FBN3: variants seen among roughly 807,000 people sequenced by gnomAD.
The protein encoded by FBN3 is fibrillin 3.
Under a neutral mutation model 330.1 loss-of-function variants are expected in FBN3, and 234 were observed. That is an observed-to-expected ratio of 0.71 (90% CI 0.64 to 0.79). FBN3 has a LOEUF of 0.79. Ranked by LOEUF, FBN3 falls within the 30% of genes least tolerant of loss-of-function variation. FBN3 has a pLI of 0.00. For missense variants in FBN3, 3,606 were observed against 3,886.9 expected (o/e 0.93, Z 1.92); for synonymous variants, 1,458 against 1,517.3 (o/e 0.96, Z 0.91).
chr19:8,147,176 A>C lies in FBN3; in HGVS notation c.178T>G (p.Cys60Gly). ...SPGILQGPNV[C>G]GSRFHAYCCP... ...CAGTAGGCATGGAACCGGGAGCCGC[A>C]CACATTCGGCCTTCGGGGACAGCGA... Residue 60 changes from cysteine (C) to glycine (G), a missense_variant, in exon 3 of 64, where the codon TGC becomes GGC. Physicochemically the swap from Cys to Gly is radical, Grantham distance 159. Transcript: ENST00000600128. 6.4e-7 allele frequency: 1 copy of C among 1,569,040 alleles called. No individual in the cohort carries two copies.
chr19:8,143,136 TCG>T (rs1293935636), intron 6 of FBN3, among the ~76,000 whole-genome samples: 1 of 152,122 alleles, frequency 6.6e-6, no homozygotes, highest in African/African-American at 2.4e-5. Context: ...TCCTGTGGGC[TCG>T]GTTTTTTCTG....
intron 63 of FBN3, 57 bp downstream of exon 63, chr19:8,071,991 C>G (rs1568350334): frequency 6.5e-7 from 1 of 1,540,588 alleles, no homozygotes; most frequent in Non-Finnish European, 8.7e-7. Flanking sequence ...TCCACAGCCT[C>G]TTTCCCACAC....
At position 8,126,173 on chromosome 19, in the gene FBN3, G is replaced by C. The variant is rs1293097735; in HGVS notation, c.2605+124C>G. 13 of 1,409,584 alleles carry C rather than the reference G, an allele frequency of 9.2e-6. No homozygotes were observed. The East Asian group carries it at 3.1e-4, about 34-fold the overall frequency. 87.3% of individuals were successfully genotyped at this position (1,409,584 alleles called of 1,614,324 possible). Reference sequence around the variant, plus strand: ...AGAAGGCCTGGGGACCAGGTAGGGAGAACGTCTGTCCCCATCGCAAAAGAC... The same window carrying C: ...AGAAGGCCTGGGGACCAGGTAGGGACAACGTCTGTCCCCATCGCAAAAGAC... On this transcript the variant is annotated intron_variant, in intron 21 of 63. Transcript: ENST00000600128.
intron 50 of FBN3, 23 bp downstream of exon 50, chr19:8,089,871 T>C (rs2144687820): frequency 6.3e-7 from 1 of 1,581,638 alleles, no homozygotes; most frequent in East Asian, 2.3e-5. Context: ...AAGGGGCTCT[T>C]AGCATGTGGG....
At chr19:8,115,712 G>A in intron 29 of FBN3, 72 bp from the exon 30 acceptor site, 7 of 1,548,984 alleles carry the variant, frequency 4.5e-6, no homozygotes, top group Non-Finnish European at 5.3e-6. Flanking sequence ...GGTGAGGGTG[G>A]GAGGGAGATC....
intron 10 of FBN3, among the ~76,000 whole-genome samples, chr19:8,136,947 G>A (rs1391860811): frequency 9.9e-6 from 1 of 100,658 alleles, no homozygotes. Flanking sequence ...CCAACCTGGG[G>A]TCTAGATACC....
At chr19:8,100,872 C>T in intron 41 of FBN3, 29 bp downstream of exon 41, 1 of 1,601,648 alleles carries the variant, frequency 6.2e-7, no homozygotes, top group Non-Finnish European at 8.5e-7. Context: ...GATGGGTGCC[C>T]AGGGATAGAG....
intron 39 of FBN3, 72 bp downstream of exon 39, chr19:8,103,490 T>G: frequency 6.6e-7 from 1 of 1,511,520 alleles, no homozygotes; most frequent in Non-Finnish European, 9.1e-7. Context: ...GCTTGAAGGC[T>G]CCCAGCAGTT....
At position 8,075,347 on chromosome 19, in the gene FBN3, C is replaced by T. The variant is rs778921959; in HGVS notation, c.7518G>A (p.Pro2506=). The stretch of plus-strand genomic sequence containing the variant: ...GGTGGCATTCACAGCGGAAGCTGCC[C>T]GGGGTGTTGTGGCAGTGCCCGTGGG... ...CGAHGHCHNT[P]GSFRCECHQG... is the part of the protein sequence containing the mutation. The change falls in exon 60 of 64, where the codon CCG becomes CCA. Residue 2506 remains proline (P), a synonymous_variant. Coordinates refer to ENST00000600128, the MANE Select transcript of FBN3 (RefSeq NM_032447.5). The T allele has an allele frequency of 8.0e-5, 129 of 1,614,064 alleles. No individual in the cohort carries two copies. The highest frequency in any genetic ancestry group is 9.9e-5 in the Non-Finnish European group (117 of 1,180,044).
chr19:8,116,709 C>A lies in FBN3; in HGVS notation c.3677G>T (p.Gly1226Val). The stretch of plus-strand genomic sequence containing the variant: ...CCTCATGTCTGGCGTGGCCATGAAG[C>A]CATCATAGCACAGGCAGCGGTGACC... Reference protein sequence around the residue: ...PGGHRCLCYDGFMATPDMRTC... With the variant: ...PGGHRCLCYDVFMATPDMRTC... Residue 1226 changes from glycine (G) to valine (V), a missense_variant, in exon 29 of 64, where the codon GGC becomes GTC. Coordinates refer to ENST00000600128, the MANE Select transcript of FBN3 (RefSeq NM_032447.5). 1 of 1,614,126 alleles carries A rather than the reference C, an allele frequency of 6.2e-7. No individual in the cohort carries two copies. The highest frequency in any genetic ancestry group is 8.5e-7 in the Non-Finnish European group (1 of 1,179,984).
chr19:8,108,798 C>A lies in FBN3; in HGVS notation c.4618+429G>T, dbSNP rs187284348. ...AAGCCTTCCCCAGAGCTTTCACTTC[C>A]CCACAGCTTTCTCCTGAGCTATGGG... On this transcript the variant is annotated intron_variant, in intron 36 of 63. Transcript: ENST00000600128. Among the ~76,000 whole-genome samples, 23 of 152,222 alleles carry A rather than the reference C, an allele frequency of 1.5e-4. No homozygotes were observed. In the East Asian group the frequency reaches 4.4e-3, roughly 29 times the overall value.
intron 41 of FBN3, 132 bp downstream of exon 41, chr19:8,100,769 T>C (rs2082310331): frequency 1.4e-6 from 1 of 709,284 alleles, no homozygotes; most frequent in East Asian, 2.7e-5. Context: ...GAGTTGGAGG[T>C]GTGTGGAGCG....
chr19:8,132,573 C>A (rs1219379835), intron 14 of FBN3, among the ~76,000 whole-genome samples: 4 of 151,830 alleles, frequency 2.6e-5, no homozygotes, highest in Admixed American at 2.6e-4. Context: ...CTCACTGCAA[C>A]CTCTACCTCC....
intron 8 of FBN3, among the ~76,000 whole-genome samples, chr19:8,139,102 A>T (rs773324754): frequency 2.0e-5 from 3 of 151,988 alleles, no homozygotes; most frequent in African/African-American, 7.3e-5. Flanking sequence ...TAATCTCAGC[A>T]CTTTGGGAGG....
In FBN3 at chr19:8,086,297, G is replaced by T; in HGVS notation, c.6783C>A (p.Asp2261Glu). Residue 2261 changes from aspartate to glutamate, a missense_variant, in exon 55 of 64, where the codon GAC becomes GAA. By Grantham distance (45) the Asp-to-Glu change is conservative. Transcript: ENST00000600128. ...TGACACAGCGGCCGTTGACACAGAG[G>T]TCAGGCTGAGCGTGGCATTCATTGT... is the stretch of plus-strand genomic sequence containing the variant. ...TDDNECHAQP[D>E]LCVNGRCVNT... 1 of 1,611,904 alleles carries T rather than the reference G, an allele frequency of 6.2e-7. No homozygotes were observed. The highest frequency in any genetic ancestry group is 8.5e-7 in the Non-Finnish European group (1 of 1,178,736).
intron 57 of FBN3, 59 bp from the exon 58 acceptor site, chr19:8,081,539 T>G: frequency 6.6e-7 from 1 of 1,517,410 alleles, no homozygotes; most frequent in South Asian, 1.3e-5. Flanking sequence ...CTGGGGGTGT[T>G]CAGGGACTGA....
chr19:8,077,466 C>T (rs1196295628), intron 59 of FBN3, among the ~76,000 whole-genome samples: 1 of 151,928 alleles, frequency 6.6e-6, no homozygotes, highest in Non-Finnish European at 1.5e-5. Flanking sequence ...TAGTGAAACC[C>T]CATCTCTACT....
chr19:8,135,936 G>GGGGCACCCCCCCCCCCCCCCC, intron 13 of FBN3, 25 bp downstream of exon 13: 1 of 668,778 alleles, frequency 1.5e-6, no homozygotes, highest in South Asian at 1.6e-5. Context: ...GGAAGCCCCT[G>GGGGCACCCCCCCCCCCCCCCC]CCCACCCGCC....
intron 57 of FBN3, among the ~76,000 whole-genome samples, chr19:8,082,143 T>A (rs950817862): frequency 6.6e-6 from 1 of 151,828 alleles, no homozygotes; most frequent in Non-Finnish European, 1.5e-5. Flanking sequence ...TCTTTTTTTC[T>A]TTTTTTTAGT....
Sources: gnomAD v4.1 joint callset for allele counts (sites outside exome capture counted in the v4.1 genomes callset) on GRCh38, gnomAD v4.1.1 for gene constraint, MANE v1.5 for transcripts, NCBI Gene and HGNC (gene_info 2026-07-23, HGNC 2026-07-21) for gene names.